SFRP4: variants seen among roughly 807,000 people sequenced by gnomAD.
SFRP4 encodes the protein secreted frizzled-related protein 4.
SFRP4 carries 25 observed loss-of-function variants against 36.3 expected under a neutral mutation model. The observed-to-expected ratio is 0.69, with a 90% confidence interval of 0.50 to 0.96. SFRP4 has a LOEUF of 0.96. Ranked by LOEUF, SFRP4 falls within the 40% of genes least tolerant of loss-of-function variation. SFRP4 has a pLI of 0.00. For synonymous variants in SFRP4, 182 were observed against 168.8 expected (o/e 1.08, Z -0.60); for missense variants, 487 against 459.6 (o/e 1.06, Z -0.54).
chr7:37,908,274 A>T (rs1393253826), intron 5 of SFRP4, among the ~76,000 whole-genome samples: 1 of 152,184 alleles, frequency 6.6e-6, no homozygotes, highest in Admixed American at 6.5e-5. Context: ...GATAGAAAAA[A>T]ATTTATTCTT....
chr7:37,909,681 C>T lies in SFRP4; in HGVS notation c.792-1G>A. ...TAAGCAATTTTCAAGAAGCATCATC[C>T]TGAAAAAAAATTATCTTAGTAAACA... On this transcript the variant is annotated splice_acceptor_variant, in intron 4 of 5. Transcript: ENST00000436072. LOFTEE classifies it high-confidence loss of function. The T allele has an allele frequency of 1.3e-6, 2 of 1,560,192 alleles. No homozygotes were observed. The highest frequency in any genetic ancestry group is 1.7e-6 in the Non-Finnish European group (2 of 1,146,238).
Position 37,916,076 on chromosome 7 carries a change from C to T in SFRP4, c.445+17G>A, listed in dbSNP as rs201035763. 8.1e-5 allele frequency: 129 copies of T among 1,600,248 alleles called. No individual in the cohort carries two copies. The East Asian group carries it at 2.9e-3, about 36-fold the overall frequency. ...CGGGCGCCTCCTCGCCTCCCTCCAT[C>T]CTTCCTACGGCCTCACCCTCCGGGA... On this transcript the variant is annotated intron_variant, in intron 1 of 5. Transcript: ENST00000436072. The surrounding 1 kb of genome is among the most constrained non-coding windows in gnomAD (Gnocchi z 4.1).
Position 37,906,929 on chromosome 7 carries a change from C to CA in SFRP4, c.*549dup, listed in dbSNP as rs549568400. ...CCATATGCTACTTCTCTAGATTTTTCAAAAAATCCCCTTTCATCACAAAAA... is the reference window on the plus strand; with the variant it reads ...CCATATGCTACTTCTCTAGATTTTTCAAAAAAATCCCCTTTCATCACAAAAA... On this transcript the variant is annotated 3_prime_UTR_variant, in exon 6 of 6. Transcript: ENST00000436072. 1.3e-5 allele frequency: 2 copies of CA among 151,988 alleles called. No homozygotes were observed. The highest frequency in any genetic ancestry group is 1.3e-4 in the Admixed American group (2 of 15,268). 9.4% of individuals were successfully genotyped at this position (151,988 alleles called of 1,614,324 possible). A position where few individuals can be genotyped will look rare whatever the true frequency, so the allele number is the denominator to read the frequency against.
rs747663375 is a variant in SFRP4, at chr7:37,914,295, A to T, written c.527-17T>A. 1 of 1,614,056 alleles carries T rather than the reference A, an allele frequency of 6.2e-7. No individual in the cohort carries two copies. The highest frequency in any genetic ancestry group is 1.1e-5 in the South Asian group (1 of 91,082). ...TGCACCGATCTAAAAAAGGCAGAAGAGGCAGAAAGTTGGAAAAAGAACAGA... is the reference window on the plus strand; with the variant it reads ...TGCACCGATCTAAAAAAGGCAGAAGTGGCAGAAAGTTGGAAAAAGAACAGA... On this transcript the variant is annotated splice_polypyrimidine_tract_variant and intron_variant, in intron 2 of 5. Transcript: ENST00000436072.
At chr7:37,914,591 G>A (rs917359219) in intron 1 of SFRP4, 138 bp from the exon 2 acceptor site, 21 of 711,608 alleles carry the variant, frequency 3.0e-5, no homozygotes, top group African/African-American at 5.3e-5. Flanking sequence ...TGGGCCAGGC[G>A]AAGTGGCTCA....
chr7:37,912,388 CA>C lies in SFRP4; in HGVS notation c.593-72del, dbSNP rs1785507779. ...AAAACTAGGGATGGTGTATTCATGC[CA>C]ACTTCTGAGCCTCTCTTAAAGAATC... is the stretch of plus-strand genomic sequence containing the variant. On this transcript the variant is annotated intron_variant, in intron 3 of 5. Transcript: ENST00000436072. The C allele has an allele frequency of 3.3e-6, 4 of 1,227,466 alleles. No homozygotes were observed. The East Asian group carries it at 9.6e-5, about 30-fold the overall frequency. 76.0% of individuals were successfully genotyped at this position (1,227,466 alleles called of 1,614,324 possible).
Position 37,906,514 on chromosome 7 carries a change from T to A in SFRP4, c.*965A>T, listed in dbSNP as rs925818851. The A allele has an allele frequency of 6.6e-6, 1 of 152,196 alleles. No individual in the cohort carries two copies. The highest frequency in any genetic ancestry group is 1.5e-5 in the Non-Finnish European group (1 of 68,026). The allele number at this position is 152,196 out of a possible 1,614,324, so 9.4% of individuals were successfully genotyped here. On this transcript the variant is annotated 3_prime_UTR_variant, in exon 6 of 6. Transcript: ENST00000436072. The stretch of plus-strand genomic sequence containing the variant: ...TTATATTTAACTCCTCTCACATGTA[T>A]TTAGGCAAAGAAAATATTTAAATGA...
chr7:37,914,589 G>A (rs1017155624), intron 1 of SFRP4, 136 bp from the exon 2 acceptor site: 6 of 717,232 alleles, frequency 8.4e-6, no homozygotes, highest in South Asian at 6.5e-5. Context: ...AATGGGCCAG[G>A]CGAAGTGGCT....
At chr7:37,912,436 T>A in intron 3 of SFRP4, 119 bp from the exon 4 acceptor site, 1 of 790,240 alleles carries the variant, frequency 1.3e-6, no homozygotes, top group East Asian at 2.7e-5. Flanking sequence ...TATGGTTATG[T>A]CCAAGTGGCC....
chr7:37,909,335 A>G (rs902163275), intron 5 of SFRP4, among the ~76,000 whole-genome samples: 5 of 152,202 alleles, frequency 3.3e-5, no homozygotes, highest in African/African-American at 1.2e-4. Flanking sequence ...TAAAACAACT[A>G]CATGTAATAA....
rs1219594275 is a variant in SFRP4 at position 37,916,703 on chromosome 7, C to T, written c.-166G>A. 9.7e-7 allele frequency: 1 copy of T among 1,035,392 alleles called. No homozygotes were observed. Among genetic ancestry groups the T allele is most frequent in the Middle Eastern group, 2.6e-4 (1 of 3,882 alleles). 64.1% of individuals were successfully genotyped at this position (1,035,392 alleles called of 1,614,324 possible). A position where few individuals can be genotyped will look rare whatever the true frequency, so the allele number is the denominator to read the frequency against. On this transcript the variant is annotated 5_prime_UTR_variant, in exon 1 of 6. Coordinates refer to ENST00000436072, the MANE Select transcript of SFRP4 (RefSeq NM_003014.4). The surrounding 1 kb of genome is among the most constrained non-coding windows in gnomAD (Gnocchi z 4.1). ...AGCAAAGCGGGGCCGCGGGGTCCGG[C>T]CGCGGAGCTCCGCCGTCTGGCACAC...
chr7:37,912,380 A>G, intron 3 of SFRP4, 63 bp from the exon 4 acceptor site: 1 of 1,294,178 alleles, frequency 7.7e-7, no homozygotes, highest in Non-Finnish European at 1.1e-6. Flanking sequence ...GGGATGGTGT[A>G]TTCATGCCAA....
At chr7:37,912,396 G>A (rs181015716) in intron 3 of SFRP4, 79 bp from the exon 4 acceptor site, 12 of 1,144,792 alleles carry the variant, frequency 1.0e-5, no homozygotes, top group Middle Eastern at 4.9e-4. Flanking sequence ...GCCAACTTCT[G>A]AGCCTCTCTT....
intron 4 of SFRP4, 86 bp downstream of exon 4, chr7:37,912,033 G>T: frequency 9.8e-7 from 1 of 1,024,466 alleles, no homozygotes; most frequent in Non-Finnish European, 1.4e-6. Flanking sequence ...GCATATTTTT[G>T]TTATATTTTT....
chr7:37,915,168 C>T (rs1785553821), intron 1 of SFRP4, among the ~76,000 whole-genome samples: 1 of 152,154 alleles, frequency 6.6e-6, no homozygotes, highest in Non-Finnish European at 1.5e-5. Context: ...TCTTGCAGTG[C>T]AGAAACAGTT....
chr7:37,907,658 C>G lies in SFRP4; in HGVS notation c.862G>C (p.Glu288Gln), dbSNP rs753298451. 2 of 1,607,170 alleles carry G rather than the reference C, an allele frequency of 1.2e-6. No individual in the cohort carries two copies. Among genetic ancestry groups the G allele is most frequent in the African/African-American group, 1.3e-5 (1 of 74,510 alleles). Reference protein sequence around the residue: ...DQLSKRSIQWEERLQEQRRTV... With the variant: ...DQLSKRSIQWQERLQEQRRTV... ...CTCCGCTGTTCCTGCAGCCTCTCTTCCCACTGCTGAAAAGCAATTTGTAAA... is the reference window on the plus strand; with the variant it reads ...CTCCGCTGTTCCTGCAGCCTCTCTTGCCACTGCTGAAAAGCAATTTGTAAA... The change falls in exon 6 of 6, where the codon GAA becomes CAA. Residue 288 changes from glutamate (E) to glutamine (Q), a missense_variant. Coordinates refer to ENST00000436072, the MANE Select transcript of SFRP4 (RefSeq NM_003014.4).
chr7:37,911,710 A>T (rs1785490192), intron 4 of SFRP4, among the ~76,000 whole-genome samples: 1 of 152,222 alleles, frequency 6.6e-6, no homozygotes, highest in Non-Finnish European at 1.5e-5. Context: ...TGAAGTGTTT[A>T]TATGGAAAAT....
rs553557973 is a variant in SFRP4, at chr7:37,906,395, C to T, written c.*1084G>A. The T allele has an allele frequency of 6.6e-6, 1 of 152,258 alleles. No homozygotes were observed. The highest frequency in any genetic ancestry group is 2.1e-4 in the South Asian group (1 of 4,828). The allele number at this position is 152,258 out of a possible 1,614,324, so 9.4% of individuals were successfully genotyped here. ...AATTATGAAATTTGTTGATAAAATGCTGCAAGATAAGTTCTTTTTTTCTGA... is the reference window on the plus strand; with the variant it reads ...AATTATGAAATTTGTTGATAAAATGTTGCAAGATAAGTTCTTTTTTTCTGA... On this transcript the variant is annotated 3_prime_UTR_variant, in exon 6 of 6. Coordinates refer to ENST00000436072, the MANE Select transcript of SFRP4 (RefSeq NM_003014.4).
In SFRP4 at chr7:37,916,455, C is replaced by T. The variant is rs555863176; in HGVS notation, c.83G>A (p.Arg28His). 29 of 1,613,340 alleles carry T rather than the reference C, an allele frequency of 1.8e-5. No homozygotes were observed. The highest frequency in any genetic ancestry group is 2.4e-5 in the Non-Finnish European group (28 of 1,179,706). The change falls in exon 1 of 6, where the codon CGC becomes CAC. Residue 28 changes from arginine to histidine, a missense_variant. Transcript: ENST00000436072. The surrounding 1 kb of genome is among the most constrained non-coding windows in gnomAD (Gnocchi z 4.1). ...GVRGAPCEAV[R>H]IPMCRHMPWN... is the part of the protein sequence containing the mutation. ...GGGCATGTGCCGGCACATAGGGATG[C>T]GCACCGCCTCGCAGGGCGCGCCGCG...
Sources: allele counts gnomAD v4.1 joint callset (sites outside exome capture counted in the v4.1 genomes callset), GRCh38; gene constraint gnomAD v4.1.1; non-coding constraint Gnocchi (gnomAD v3.1); transcripts MANE v1.5; gene names NCBI Gene and HGNC (gene_info 2026-07-23, HGNC 2026-07-21).